Variants in ZSCAN2 observed in about 807,000 individuals in gnomAD.
ZSCAN2 encodes zinc finger and SCAN domain-containing protein 2.
In ZSCAN2, 26 loss-of-function variants were observed where a neutral mutation model predicts 47.8. The ratio of observed to expected loss-of-function variants is 0.54; its 90% CI spans 0.40 to 0.75. The LOEUF is 0.75. Ranked by LOEUF, ZSCAN2 falls within the 30% of genes least tolerant of loss-of-function variation. The pLI is 0.00. For synonymous variants in ZSCAN2, 305 were observed against 288.7 expected, an observed-to-expected ratio of 1.06 and a Z score of -0.57; for missense variants, 732 against 785.4, an observed-to-expected ratio of 0.93 and a Z score of 0.81.
intron 1 of ZSCAN2, among the ~76,000 whole-genome samples, chr15:84,601,629 A>T (rs1895205522): frequency 6.6e-6 from 1 of 150,848 alleles, no homozygotes; most frequent in Non-Finnish European, 1.5e-5. Context: ...TTTTTTTTTT[A>T]AGCTTTTGTC....
intron 2 of ZSCAN2, among the ~76,000 whole-genome samples, chr15:84,610,789 A>G (rs1895526085): frequency 6.6e-6 from 1 of 151,892 alleles, no homozygotes; most frequent in South Asian, 2.1e-4. Flanking sequence ...ACCCAGCCAA[A>G]ACAGAAGTGT....
chr15:84,620,408 G>A (rs1006275033), intron 2 of ZSCAN2, among the ~76,000 whole-genome samples, 194 bp from the exon 3 acceptor site: 6 of 152,076 alleles, frequency 3.9e-5, no homozygotes, highest in Admixed American at 6.6e-5. Context: ...GAACATGTGT[G>A]TGCATGTATC....
chr15:84,623,646 G>A lies in ZSCAN2; in HGVS notation c.*1606G>A, dbSNP rs1027737191. On this transcript the variant is annotated 3_prime_UTR_variant, in exon 3 of 3. Transcript: ENST00000546148. ...CTGCCTCCTCCTACACATGGGGCCT[G>A]TGCTCAGAATGGGCTTAGTTCTTAT... 6.0e-6 allele frequency: 1 copy of A among 167,184 alleles called. No individual in the cohort carries two copies. The highest frequency in any genetic ancestry group is 2.4e-5 in the African/African-American group (1 of 41,440). The allele number at this position is 167,184 out of a possible 1,614,324, so 10.4% of individuals were successfully genotyped here.
At chr15:84,620,368 T>C (rs984571435) in intron 2 of ZSCAN2, among the ~76,000 whole-genome samples, 1 of 152,214 alleles carries the variant, frequency 6.6e-6, no homozygotes, top group African/African-American at 2.4e-5. Flanking sequence ...GTTGATTCTA[T>C]GTCTTTGCTA....
chr15:84,613,086 T>A (rs1047539977), intron 2 of ZSCAN2, among the ~76,000 whole-genome samples: 1 of 152,242 alleles, frequency 6.6e-6, no homozygotes, highest in Non-Finnish European at 1.5e-5. Flanking sequence ...TCTTCCAGCA[T>A]CATTTATTGT....
Position 84,610,410 on chromosome 15 carries a change from G to A in ZSCAN2, c.406+6077G>A, listed in dbSNP as rs112799896. ...CTCTAGGCACTCACAATTCAAGTAT[G>A]AAGTGTGAATAAGCAATACAGAAGT... On this transcript the variant is annotated intron_variant, in intron 2 of 2. Coordinates refer to ENST00000546148, the MANE Select transcript of ZSCAN2 (RefSeq NM_181877.4). Among the ~76,000 whole-genome samples, 566 of 151,982 alleles carry A rather than the reference G, an allele frequency of 3.7e-3. 4 individuals carry two copies. Among genetic ancestry groups the A allele is most frequent in the African/African-American group, 0.013 (538 of 41,470 alleles).
intron 1 of ZSCAN2, chr15:84,601,995 C>T (rs915741164): frequency 4.8e-5 from 7 of 146,788 alleles, no homozygotes; most frequent in Non-Finnish European, 3.0e-5. Flanking sequence ...CTTTTGTTGC[C>T]CAGGCTGGAG....
intron 2 of ZSCAN2, among the ~76,000 whole-genome samples, chr15:84,607,244 CTG>C (rs1419932467): frequency 6.6e-6 from 1 of 152,154 alleles, no homozygotes; most frequent in Non-Finnish European, 1.5e-5. Context: ...AGCTGCCAAA[CTG>C]AACCTGTCTT....
intron 2 of ZSCAN2, among the ~76,000 whole-genome samples, chr15:84,618,628 C>T (rs1008315732): frequency 2.0e-5 from 3 of 150,830 alleles, no homozygotes; most frequent in Non-Finnish European, 4.4e-5. Context: ...GTGGCGTGAT[C>T]TTGGCTCACC....
intron 2 of ZSCAN2, 67 bp from the exon 3 acceptor site, chr15:84,620,535 T>G: frequency 7.3e-7 from 1 of 1,375,692 alleles, no homozygotes; most frequent in Non-Finnish European, 1.0e-6. Context: ...AATTTCCCCC[T>G]TCGTTTTCTT....
At chr15:84,616,836 C>T (rs1248807552) in intron 2 of ZSCAN2, among the ~76,000 whole-genome samples, 1 of 152,182 alleles carries the variant, frequency 6.6e-6, no homozygotes, top group East Asian at 1.9e-4. Context: ...AAAAAACTGT[C>T]TTCCGGCCAG....
chr15:84,604,702 AT>A (rs1461324961), intron 2 of ZSCAN2, among the ~76,000 whole-genome samples: 4 of 150,820 alleles, frequency 2.7e-5, no homozygotes, highest in African/African-American at 9.7e-5. Flanking sequence ...AGAGAAAACA[AT>A]CTGATATTTT....
rs750337595 is a variant in ZSCAN2, at chr15:84,621,686, G to A, written c.1491G>A (p.Thr497=). The part of the protein sequence containing the change: ...SNLLKHQRIH[T]GEKPYKCSEC... ...TCCTCAAGCACCAGAGGATCCACACGGGAGAGAAACCCTACAAATGCAGCG... is the reference window on the plus strand; with the variant it reads ...TCCTCAAGCACCAGAGGATCCACACAGGAGAGAAACCCTACAAATGCAGCG... The change falls in exon 3 of 3, where the codon ACG becomes ACA. Residue 497 remains threonine, a synonymous_variant. Transcript: ENST00000546148. The surrounding 1 kb of genome is among the most constrained non-coding windows in gnomAD (Gnocchi z 5.7). 30 of 1,612,362 alleles carry A rather than the reference G, an allele frequency of 1.9e-5. No individual in the cohort carries two copies. Among genetic ancestry groups the A allele is most frequent in the Admixed American group, 1.8e-4 (11 of 59,844 alleles).
At position 84,621,872 on chromosome 15, in the gene ZSCAN2, G is replaced by A. The variant is rs1166064380; in HGVS notation, c.1677G>A (p.Arg559=). ...QRAHLGDKPY[R]CPECGKGFSW... is the part of the protein sequence containing the mutation. ...CCCATTTGGGAGACAAGCCCTACAG[G>A]TGCCCTGAGTGTGGGAAAGGCTTTA... The change falls in exon 3 of 3, where the codon AGG becomes AGA. Residue 559 remains arginine, a synonymous_variant. Transcript: ENST00000546148. The surrounding 1 kb of genome is among the most constrained non-coding windows in gnomAD (Gnocchi z 5.7). 1.2e-6 allele frequency: 2 copies of A among 1,614,160 alleles called. No homozygotes were observed. Among genetic ancestry groups the A allele is most frequent in the African/African-American group, 1.3e-5 (1 of 75,032 alleles).
At chr15:84,619,156 G>C (rs1391261011) in intron 2 of ZSCAN2, among the ~76,000 whole-genome samples, 1 of 152,176 alleles carries the variant, frequency 6.6e-6, no homozygotes, top group Non-Finnish European at 1.5e-5. Context: ...TCATGGCTGG[G>C]CGCGGTGGCT....
chr15:84,619,247 T>G (rs111878314), intron 2 of ZSCAN2, among the ~76,000 whole-genome samples: 1 of 151,944 alleles, frequency 6.6e-6, no homozygotes, highest in Non-Finnish European at 1.5e-5. Context: ...CTGGCTAACA[T>G]GGTGAAACCC....
At chr15:84,614,148 A>G (rs1479106242) in intron 2 of ZSCAN2, among the ~76,000 whole-genome samples, 1 of 145,986 alleles carries the variant, frequency 6.8e-6, no homozygotes, top group Non-Finnish European at 1.5e-5. Flanking sequence ...GTGCCAACAC[A>G]CCCGGCTAAT....
rs141193500 is a variant in ZSCAN2, at chr15:84,621,224, T to C, written c.1029T>C (p.Phe343=). The C allele has an allele frequency of 9.0e-4, 1,446 of 1,608,402 alleles. No homozygotes were observed. The highest frequency in any genetic ancestry group is 1.1e-3 in the Non-Finnish European group (1,254 of 1,178,242). The change falls in exon 3 of 3, where the codon TTT becomes TTC. Residue 343 remains phenylalanine (F), a synonymous_variant. Transcript: ENST00000546148. The surrounding 1 kb of genome is among the most constrained non-coding windows in gnomAD (Gnocchi z 5.7). ...PYSCPECGKS[F]GNRSSLNTHQ... is the part of the protein sequence containing the mutation. ...CGTGCCCCGAGTGTGGAAAGAGCTT[T>C]GGCAACCGATCCAGCCTTAACACGC...
At chr15:84,614,582 G>A (rs1301025007) in intron 2 of ZSCAN2, 1 of 152,162 alleles carries the variant, frequency 6.6e-6, no homozygotes, top group Non-Finnish European at 1.5e-5. Context: ...GTTCAAAGCT[G>A]TTTGCCTATA....
Sources: gnomAD v4.1 joint callset for allele counts (sites outside exome capture counted in the v4.1 genomes callset) on GRCh38, gnomAD v4.1.1 for gene constraint, Gnocchi (gnomAD v3.1) non-coding constraint, MANE v1.5 for transcripts, NCBI Gene and HGNC (gene_info 2026-07-23, HGNC 2026-07-21) for gene names.